FBXL2: variants seen among roughly 807,000 people sequenced by gnomAD.
The protein encoded by FBXL2 is F-box/LRR-repeat protein 2.
A neutral mutation model predicts 69.2 loss-of-function variants in FBXL2; 38 were observed. That is an observed-to-expected ratio of 0.55 (90% CI 0.42 to 0.72). The LOEUF (loss-of-function observed/expected upper bound fraction) is 0.72. Among genes scored for constraint, FBXL2 ranks in the 30% least tolerant of loss-of-function variants. The pLI, the probability that FBXL2 is intolerant of heterozygous loss-of-function variation, is 0.00. For missense variants in FBXL2, 354 were observed against 520.3 expected, an observed-to-expected ratio of 0.68 and a Z score of 3.11; for synonymous variants, 192 against 201.3, an observed-to-expected ratio of 0.95 and a Z score of 0.39.
intron 2 of FBXL2, among the ~76,000 whole-genome samples, chr3:33,356,405 C>T (rs2041204232): frequency 6.6e-6 from 1 of 152,046 alleles, no homozygotes; most frequent in Non-Finnish European, 1.5e-5. Context: ...GGCTGGAGTG[C>T]AGTGGCGGAT....
chr3:33,333,058 C>T (rs1225625014), intron 2 of FBXL2, among the ~76,000 whole-genome samples: 1 of 152,036 alleles, frequency 6.6e-6, no homozygotes, highest in Non-Finnish European at 1.5e-5. Context: ...TCCATGGAGA[C>T]AGAAAGCATA....
chr3:33,378,076 T>C, intron 11 of FBXL2, 27 bp from the exon 12 acceptor site: 1 of 1,613,000 alleles, frequency 6.2e-7, no homozygotes, highest in Non-Finnish European at 8.5e-7. Flanking sequence ...GACTCACATG[T>C]GGGGTGTGTC....
chr3:33,303,115 G>A, intron 2 of FBXL2: 1 of 456,690 alleles, frequency 2.2e-6, no homozygotes, highest in Admixed American at 2.3e-5. Context: ...TCTATTTCCT[G>A]CTGTCTGTGG....
chr3:33,373,239 A>G, intron 6 of FBXL2, 21 bp from the exon 7 acceptor site: 2 of 1,613,492 alleles, frequency 1.2e-6, no homozygotes, highest in Non-Finnish European at 1.7e-6. Flanking sequence ...AAATATCTTT[A>G]GTGCGTCTGC....
chr3:33,316,202 T>A (rs1367707460), intron 2 of FBXL2, among the ~76,000 whole-genome samples: 1 of 151,712 alleles, frequency 6.6e-6, no homozygotes, highest in African/African-American at 2.4e-5. Context: ...GGAATAAAGG[T>A]GTGCCCCACT....
At chr3:33,325,447 T>C (rs189589821) in intron 2 of FBXL2, among the ~76,000 whole-genome samples, 40 of 152,320 alleles carry the variant, frequency 2.6e-4, no homozygotes, top group South Asian at 8.3e-4. Flanking sequence ...ATAGCTCTTA[T>C]TATTTTGAGG....
chr3:33,305,206 A>G (rs761298647), intron 2 of FBXL2, among the ~76,000 whole-genome samples: 8 of 151,938 alleles, frequency 5.3e-5, no homozygotes, highest in Non-Finnish European at 1.2e-4. Context: ...CCCTGAAGAC[A>G]AAGAGATAGT....
At chr3:33,338,708 A>G (rs756789319) in intron 2 of FBXL2, among the ~76,000 whole-genome samples, 4 of 152,226 alleles carry the variant, frequency 2.6e-5, no homozygotes, top group Non-Finnish European at 5.9e-5. Context: ...TGGTGCTGGG[A>G]TAACTGGCTA....
At chr3:33,316,443 G>T (rs2037700996) in intron 2 of FBXL2, among the ~76,000 whole-genome samples, 1 of 152,076 alleles carries the variant, frequency 6.6e-6, no homozygotes, top group Non-Finnish European at 1.5e-5. Context: ...AGGTAGCTTT[G>T]GCAGTTGTTT....
downstream of FBXL2, among the ~76,000 whole-genome samples, chr3:33,405,585 G>A (rs1043116756): frequency 2.6e-5 from 4 of 152,022 alleles, no homozygotes; most frequent in African/African-American, 7.3e-5. Flanking sequence ...CAGCACTTTC[G>A]GAGGCCAAGG....
At chr3:33,337,787 G>A (rs1483624399) in intron 2 of FBXL2, among the ~76,000 whole-genome samples, 1 of 152,130 alleles carries the variant, frequency 6.6e-6, no homozygotes, top group East Asian at 1.9e-4. Context: ...CCAACTTAAT[G>A]TACAAAAGTC....
intron 4 of FBXL2, among the ~76,000 whole-genome samples, chr3:33,363,302 A>G (rs2041755083): frequency 6.6e-6 from 1 of 152,144 alleles, no homozygotes. Context: ...CAGCTTCCCA[A>G]AGTGCAGGGA....
chr3:33,303,252 G>A (rs2036441635), intron 2 of FBXL2: 1 of 447,918 alleles, frequency 2.2e-6, no homozygotes, highest in African/African-American at 2.0e-5. Context: ...TTTTAGGTTG[G>A]TTTGCTCGCT....
rs2043470190 is a variant in FBXL2, at chr3:33,386,839, T to G, written c.*1231T>G. 1 of 152,158 alleles carries G rather than the reference T, an allele frequency of 6.6e-6. No homozygotes were observed. Among genetic ancestry groups the G allele is most frequent in the African/African-American group, 2.4e-5 (1 of 41,434 alleles). The allele number at this position is 152,158 out of a possible 1,614,324, so 9.4% of individuals were successfully genotyped here. On this transcript the variant is annotated 3_prime_UTR_variant, in exon 15 of 15. Transcript: ENST00000484457. ...AGTCATCACCACCTTCATTGTAAAC[T>G]TAGGTGTTCATGGTGGCTGGCCCTT...
intron 2 of FBXL2, among the ~76,000 whole-genome samples, chr3:33,304,549 C>G (rs1456836546): frequency 6.6e-6 from 1 of 151,700 alleles, no homozygotes; most frequent in Non-Finnish European, 1.5e-5. Flanking sequence ...TTTATTTTTT[C>G]CCCCTTTACT....
In FBXL2 at chr3:33,373,587, C is replaced by T; in HGVS notation, c.465C>T (p.Cys155=). ...TTTCTTGTTCTCTCAGTGAGGGCTG[C>T]CGAAACCTGGAGTACCTGAACCTCT... ...NSSLKGISEG[C]RNLEYLNLSW... is the part of the protein sequence containing the mutation. The change falls in exon 8 of 15, where the codon TGC becomes TGT. Residue 155 remains cysteine (C), a synonymous_variant. Coordinates refer to ENST00000484457, the MANE Select transcript of FBXL2 (RefSeq NM_012157.5). 1 of 1,614,138 alleles carries T rather than the reference C, an allele frequency of 6.2e-7. No individual in the cohort carries two copies. Among genetic ancestry groups the T allele is most frequent in the Non-Finnish European group, 8.5e-7 (1 of 1,180,022 alleles).
At chr3:33,392,796 T>C (rs2043821135), downstream of FBXL2, 2 of 567,550 alleles carry the variant, frequency 3.5e-6, no homozygotes, top group Non-Finnish European at 6.0e-6. Flanking sequence ...GTGTTCACTA[T>C]GCCTGTCCAT....
chr3:33,417,134 G>A, the FBXL2 span, among the ~76,000 whole-genome samples: 1 of 152,126 alleles, frequency 6.6e-6, no homozygotes, highest in Non-Finnish European at 1.5e-5. Context: ...GCTTTTCTGA[G>A]ATATAGTTTA....
intron 2 of FBXL2, among the ~76,000 whole-genome samples, chr3:33,303,357 A>G (rs945659739): frequency 6.6e-6 from 1 of 152,126 alleles, no homozygotes; most frequent in Non-Finnish European, 1.5e-5. Flanking sequence ...CCTCATTTTC[A>G]TTACCTCCCT....
Sources: allele counts gnomAD v4.1 joint callset (sites outside exome capture counted in the v4.1 genomes callset), GRCh38; gene constraint gnomAD v4.1.1; transcripts MANE v1.5; gene names NCBI Gene and HGNC (gene_info 2026-07-23, HGNC 2026-07-21).